PTPRG: variants seen among roughly 807,000 people sequenced by gnomAD.
PTPRG encodes protein tyrosine phosphatase receptor type G.
Under a neutral mutation model 165.3 loss-of-function variants are expected in PTPRG, and 102 were observed. The observed-to-expected ratio is 0.62, with a 90% CI of 0.53 to 0.73. The LOEUF is 0.73. Among genes scored for constraint, PTPRG ranks in the 30% least tolerant of loss-of-function variants. The pLI is 0.00. For synonymous variants in PTPRG, 675 were observed against 669.5 expected (o/e 1.01, Z -0.13); for missense variants, 1,866 against 1,861.4 (o/e 1.00, Z -0.05).
At chr3:61,964,211 C>T (rs9881305) in intron 2 of PTPRG, among the ~76,000 whole-genome samples, 36,144 of 152,136 alleles carry the variant, frequency 0.24, 4,915 homozygotes, top group African/African-American at 0.36. Context: ...GACAATTTTA[C>T]TCTGTAATCA....
At chr3:62,265,896 T>TACACAC (rs143246257) in intron 17 of PTPRG, among the ~76,000 whole-genome samples, 1,438 of 130,598 alleles carry the variant, frequency 0.011, 29 homozygotes, top group South Asian at 0.032. Flanking sequence ...GTGCCTTATA[T>TACACAC]ACACACACAC....
chr3:61,748,019 G>A (rs2033279752), intron 1 of PTPRG, among the ~76,000 whole-genome samples: 1 of 152,214 alleles, frequency 6.6e-6, no homozygotes, highest in African/African-American at 2.4e-5. Context: ...CGCTATAGCA[G>A]GCAGATGGAA....
rs1265908581 is a variant in PTPRG at position 61,562,254 on chromosome 3, C to T, written c.-34C>T. The T allele has an allele frequency of 1.0e-5, 16 of 1,596,354 alleles. No homozygotes were observed. Among genetic ancestry groups the T allele is most frequent in the East Asian group, 4.5e-5 (2 of 44,752 alleles). On this transcript the variant is annotated 5_prime_UTR_variant, in exon 1 of 30. Transcript: ENST00000474889. ...AGAACTTATTCAACAAGTTTACCTCCCTGCTTTCCTCTTTTCGATGTGCGT... is the reference window on the plus strand; with the variant it reads ...AGAACTTATTCAACAAGTTTACCTCTCTGCTTTCCTCTTTTCGATGTGCGT...
At chr3:62,132,461 G>A (rs1703551760) in intron 5 of PTPRG, 141 bp from the exon 6 acceptor site, 2 of 650,652 alleles carry the variant, frequency 3.1e-6, no homozygotes, top group Non-Finnish European at 5.6e-6. Flanking sequence ...CCTGCATTTG[G>A]TGAGAGCCAT....
At chr3:61,743,423 T>C (rs2033080377) in intron 1 of PTPRG, among the ~76,000 whole-genome samples, 1 of 152,234 alleles carries the variant, frequency 6.6e-6, no homozygotes, top group African/African-American at 2.4e-5. Context: ...GTATTCTTCC[T>C]TTCTAAACCC....
chr3:61,725,228 C>A (rs1036613572), intron 1 of PTPRG, among the ~76,000 whole-genome samples: 30 of 151,970 alleles, frequency 2.0e-4, no homozygotes, highest in African/African-American at 6.0e-4. Flanking sequence ...AGTACAGTGG[C>A]GTGATCTGGG....
intron 1 of PTPRG, among the ~76,000 whole-genome samples, chr3:61,637,050 G>A (rs9827129): frequency 0.028 from 4,261 of 152,252 alleles, 187 homozygotes; most frequent in African/African-American, 0.095. Context: ...TGGCCTCTCT[G>A]CCACATAGCT....
At chr3:61,602,053 G>C (rs1360308865) in intron 1 of PTPRG, among the ~76,000 whole-genome samples, 1 of 152,178 alleles carries the variant, frequency 6.6e-6, no homozygotes, top group Non-Finnish European at 1.5e-5. Context: ...CCAGCCTGTG[G>C]GTGGCTTTAT....
At chr3:62,166,194 GTTCT>G (rs1275047636) in intron 7 of PTPRG, among the ~76,000 whole-genome samples, 11 of 19,346 alleles carry the variant, frequency 5.7e-4, no homozygotes, top group Non-Finnish European at 1.1e-3. Context: ...TCAAATTACA[GTTCT>G]TTTTTTTTTT....
chr3:62,124,767 A>T lies in PTPRG; in HGVS notation c.616-7835A>T, dbSNP rs961095977. Among the ~76,000 whole-genome samples the T allele has an allele frequency of 3.6e-4, 55 of 152,216 alleles. 1 individual carries two copies. The highest frequency in any genetic ancestry group is 1.5e-5 in the Non-Finnish European group (1 of 68,040). ...CTTTTCTAGAGATGTTGTGTTGCCC[A>T]GGCTGGTCTCAAACTCCTGGCCTCA... On this transcript the variant is annotated intron_variant, in intron 5 of 29. Coordinates refer to ENST00000474889, the MANE Select transcript of PTPRG (RefSeq NM_002841.4).
intron 2 of PTPRG, among the ~76,000 whole-genome samples, chr3:61,907,915 C>G (rs374107445): frequency 2.2e-4 from 27 of 123,938 alleles, no homozygotes; most frequent in African/African-American, 1.1e-3. Flanking sequence ...CACTTGAGGC[C>G]AGGAGTTTGA....
chr3:61,913,972 T>A lies in PTPRG; in HGVS notation c.191-75653T>A, dbSNP rs1327325166. Among the ~76,000 whole-genome samples the A allele has an allele frequency of 2.0e-5, 3 of 152,214 alleles. No individual in the cohort carries two copies. The East Asian group carries it at 5.8e-4, about 29-fold the overall frequency. On this transcript the variant is annotated intron_variant, in intron 2 of 29. Coordinates refer to ENST00000474889, the MANE Select transcript of PTPRG (RefSeq NM_002841.4). ...TCGGTCCAAATTTACTAAAGAATCC[T>A]ATTTTGTTTCAGTGTTATAACAAAA...
chr3:62,206,923 A>G, intron 12 of PTPRG, among the ~76,000 whole-genome samples: 1 of 132,024 alleles, frequency 7.6e-6, no homozygotes, highest in African/African-American at 3.5e-5. Flanking sequence ...AAAAAAAAAA[A>G]AAAAAAAAAA....
chr3:61,725,355 C>T (rs1185081063), intron 1 of PTPRG, among the ~76,000 whole-genome samples: 3 of 152,004 alleles, frequency 2.0e-5, no homozygotes, highest in South Asian at 2.1e-4. Context: ...TGACCTCAAG[C>T]GATCTACCTA....
At chr3:61,804,305 A>G (rs1024205024) in intron 2 of PTPRG, among the ~76,000 whole-genome samples, 2 of 152,188 alleles carry the variant, frequency 1.3e-5, no homozygotes, top group Non-Finnish European at 2.9e-5. Flanking sequence ...AAAGATGTGG[A>G]CTTGGAGGGG....
intron 1 of PTPRG, among the ~76,000 whole-genome samples, chr3:61,612,847 C>A (rs1222970024): frequency 8.0e-6 from 1 of 125,708 alleles, no homozygotes; most frequent in Non-Finnish European, 1.7e-5. Flanking sequence ...TTCTCTGGTT[C>A]CTGGAATTAA....
chr3:62,187,666 GC>G (rs1179870647), intron 8 of PTPRG, among the ~76,000 whole-genome samples: 3 of 152,174 alleles, frequency 2.0e-5, no homozygotes, highest in Admixed American at 1.3e-4. Context: ...AAAAATGTTT[GC>G]CATCCTCTAT....
chr3:62,201,555 G>C lies in PTPRG; in HGVS notation c.1377+1G>C. 1 of 1,609,936 alleles carries C rather than the reference G, an allele frequency of 6.2e-7. No individual in the cohort carries two copies. The highest frequency in any genetic ancestry group is 8.5e-7 in the Non-Finnish European group (1 of 1,177,670). ...GACCAGAATAGTGAAAACAGGAGTG[G>C]TAAGTAGAGAATGGGAAATTGCTTT... On this transcript the variant is annotated splice_donor_variant, in intron 11 of 29. Coordinates refer to ENST00000474889, the MANE Select transcript of PTPRG (RefSeq NM_002841.4). LOFTEE classifies it high-confidence loss of function.
chr3:62,184,182 A>G (rs745778994), intron 8 of PTPRG, among the ~76,000 whole-genome samples: 1 of 152,232 alleles, frequency 6.6e-6, no homozygotes, highest in Non-Finnish European at 1.5e-5. Flanking sequence ...TCCGAGAGGA[A>G]TGCACAGAGC....
Sources: allele counts gnomAD v4.1 joint callset (sites outside exome capture counted in the v4.1 genomes callset), GRCh38; gene constraint gnomAD v4.1.1; transcripts MANE v1.5; gene names NCBI Gene and HGNC (gene_info 2026-07-23, HGNC 2026-07-21).